NOL8: variants seen among roughly 807,000 people sequenced by gnomAD.
NOL8 encodes nucleolar protein 8, also known as nucleolar protein Nop132.
A neutral mutation model predicts 116.1 loss-of-function variants in NOL8; 93 were observed. The ratio of observed to expected loss-of-function variants is 0.80; its 90% CI spans 0.68 to 0.95. The LOEUF (loss-of-function observed/expected upper bound fraction) is 0.95. Among genes scored for constraint, NOL8 ranks in the 40% least tolerant of loss-of-function variants. The pLI is 0.00. For synonymous variants in NOL8, 419 were observed against 469.0 expected, an observed-to-expected ratio of 0.89 and a Z score of 1.38; for missense variants, 1,291 against 1,382.8, an observed-to-expected ratio of 0.93 and a Z score of 1.05.
chr9:92,311,012 A>G (rs1838729404), intron 8 of NOL8, 134 bp downstream of exon 8: 4 of 665,944 alleles, frequency 6.0e-6, no homozygotes, highest in African/African-American at 1.8e-5. Flanking sequence ...CTGTAGTCTC[A>G]ATATGAGGTG....
rs1838747383 is a variant in NOL8, at chr9:92,311,177, T to TCCTG, written c.2437_2440dup (p.Glu814AlafsTer17). 6.2e-7 allele frequency: 1 copy of TCCTG among 1,613,674 alleles called. No homozygotes were observed. The highest frequency in any genetic ancestry group is 1.3e-5 in the African/African-American group (1 of 74,902). ...CCATTCCTCTCCTGGATGGCTCTGC[T>TCCTG]CCTGAGTCGATGTCTCCTCTGTTTC... is the stretch of plus-strand genomic sequence containing the variant. On this transcript the variant is annotated frameshift_variant, in exon 8 of 17. Transcript: ENST00000442668. LOFTEE classifies it high-confidence loss of function.
rs15717 is a variant in NOL8, at chr9:92,310,625, G to C, written c.2523C>G (p.Asp841Glu). The C allele has an allele frequency of 0.046, 73,686 of 1,612,048 alleles. 2,135 individuals are homozygous for C. The highest frequency in any genetic ancestry group is 0.11 in the African/African-American group (8,593 of 74,838). ...TACTGTCATCTTCAGAATCAGATTCGTCATCATCACTGCTATCAAACAGCT... is the reference window on the plus strand; with the variant it reads ...TACTGTCATCTTCAGAATCAGATTCCTCATCATCACTGCTATCAAACAGCT... The part of the protein sequence containing the change: ...SGKLFDSSDD[D>E]ESDSEDDSNR... The change falls in exon 9 of 17, where the codon GAC becomes GAG. Residue 841 changes from aspartate to glutamate, a missense_variant. Coordinates refer to ENST00000442668, the MANE Select transcript of NOL8 (RefSeq NM_017948.6).
Position 92,316,243 on chromosome 9 carries a change from C to A in NOL8, c.487-105G>T, listed in dbSNP as rs368420405. ...AATCTCAAATAAGTCATTTCCCCCC[C>A]CTTTCAGTTTCCTGTAAAAGAAAAT... On this transcript the variant is annotated intron_variant, in intron 6 of 16. Coordinates refer to ENST00000442668, the MANE Select transcript of NOL8 (RefSeq NM_017948.6). 2.1e-5 allele frequency: 26 copies of A among 1,239,974 alleles called. No individual in the cohort carries two copies. The African/African-American group carries it at 2.4e-4, about 12-fold the overall frequency. The allele number at this position is 1,239,974 out of a possible 1,614,324, so 76.8% of individuals were successfully genotyped here.
intron 6 of NOL8, 90 bp from the exon 7 acceptor site, chr9:92,316,228 A>T (rs1839397252): frequency 1.5e-6 from 2 of 1,351,306 alleles, no homozygotes; most frequent in Non-Finnish European, 2.0e-6. Flanking sequence ...AATCTCAAAT[A>T]AGTCATTTCC....
Position 92,318,698 on chromosome 9 carries a change from A to G in NOL8, c.418-12T>C. ...CTCACAACCCAATTCTAAAAGAAAA[A>G]AAAAGAATTTATTTACTATATGTGA... is the stretch of plus-strand genomic sequence containing the variant. On this transcript the variant is annotated splice_polypyrimidine_tract_variant and intron_variant, in intron 5 of 16. Transcript: ENST00000442668. The G allele has an allele frequency of 1.3e-6, 2 of 1,547,738 alleles. No individual in the cohort carries two copies. Among genetic ancestry groups the G allele is most frequent in the Admixed American group, 4.0e-5 (2 of 50,028 alleles).
chr9:92,300,767 G>T, intron 13 of NOL8: 1 of 1,183,078 alleles, frequency 8.5e-7, no homozygotes, highest in Non-Finnish European at 1.1e-6. Context: ...CTAGTGAACC[G>T]AGATTGCACC....
intron 10 of NOL8, among the ~76,000 whole-genome samples, chr9:92,309,180 A>G (rs751639116): frequency 1.2e-4 from 18 of 152,226 alleles, no homozygotes; most frequent in Non-Finnish European, 2.5e-4. Context: ...GGTTTCCTGA[A>G]ACAGTCCAAC....
chr9:92,312,836 A>G (rs528665042), intron 7 of NOL8, among the ~76,000 whole-genome samples: 1 of 149,740 alleles, frequency 6.7e-6, no homozygotes, highest in Non-Finnish European at 1.5e-5. Context: ...TCAAAAAAAA[A>G]AAAAAAAAAA....
In NOL8 at chr9:92,324,125, C is replaced by T; in HGVS notation, c.37G>A (p.Gly13Ser). 1.2e-6 allele frequency: 2 copies of T among 1,613,978 alleles called. No individual in the cohort carries two copies. Among genetic ancestry groups the T allele is most frequent in the Admixed American group, 1.7e-5 (1 of 60,026 alleles). ...TCAGAAATGTCCTGGCTAAGGCCAC[C>T]CACATAAAGGCGCTTCGTTTCTCTG... The part of the protein sequence containing the change: ...VNRETKRLYV[G>S]GLSQDISEAD... The change falls in exon 2 of 17, where the codon GGT (glycine) becomes AGT (serine). Residue 13 changes from glycine (G) to serine (S), a missense_variant. Physicochemically the swap from Gly to Ser is moderately conservative, Grantham distance 56. Coordinates refer to ENST00000442668, the MANE Select transcript of NOL8 (RefSeq NM_017948.6).
At chr9:92,322,543 G>T (rs552925674) in intron 3 of NOL8, among the ~76,000 whole-genome samples, 38 of 152,276 alleles carry the variant, frequency 2.5e-4, no homozygotes, top group African/African-American at 9.1e-4. Flanking sequence ...TTTTAGTAAA[G>T]ATGGGGTTTC....
chr9:92,306,156 G>C (rs1338154001), intron 11 of NOL8, among the ~76,000 whole-genome samples: 2 of 152,008 alleles, frequency 1.3e-5, no homozygotes, highest in African/African-American at 4.8e-5. Flanking sequence ...ACCATGCCCG[G>C]CTAATTTTTA....
chr9:92,314,762 A>G lies in NOL8; in HGVS notation c.1863T>C (p.Asn621=). ...ATGGAGTCACTTCACCTAATGAGCC[A>G]TTAACATATGGGGACCCATCTTCCA... The part of the protein sequence containing the change: ...ISMEDGSPYV[N]GSLGEVTPCQ... The change falls in exon 7 of 17, where the codon AAT becomes AAC. Residue 621 remains asparagine (N), a synonymous_variant. Transcript: ENST00000442668. 6.2e-7 allele frequency: 1 copy of G among 1,613,912 alleles called. No homozygotes were observed. The highest frequency in any genetic ancestry group is 1.1e-5 in the South Asian group (1 of 91,036).
At position 92,318,643 on chromosome 9, in the gene NOL8, TG is replaced by T; in HGVS notation, c.460del (p.His154ThrfsTer22). 2 of 1,602,882 alleles carry T rather than the reference TG, an allele frequency of 1.2e-6. No homozygotes were observed. The highest frequency in any genetic ancestry group is 1.1e-5 in the South Asian group (1 of 87,868). Reference sequence around the variant, plus strand: ...TTTACGTTTATGTTGATTTTTAAGGTGAAGAACAGGTAAGACTCTTCCAAAT... The same window carrying T: ...TTTACGTTTATGTTGATTTTTAAGGTAAGAACAGGTAAGACTCTTCCAAAT... ...SKFGRVLPVLHLKNQHKRKII... is the reference protein window; with the variant it reads ...SKFGRVLPVLXLKNQHKRKII... On this transcript the variant is annotated frameshift_variant, in exon 6 of 17. Transcript: ENST00000442668. LOFTEE classifies it high-confidence loss of function.
chr9:92,306,889 A>T lies in NOL8; in HGVS notation c.2822T>A (p.Phe941Tyr). ...TNRGSVAAKK[F>Y]KDIIHYDPTK... ...TGGGATGGAACATAAAACATACTTA[A>T]ATTTCTTAGCAGCTACTGATCCTCT... The change falls in exon 11 of 17, where the codon TTT (phenylalanine) becomes TAT (tyrosine). Residue 941 changes from phenylalanine to tyrosine, a missense_variant. Physicochemically the swap from Phe to Tyr is conservative, Grantham distance 22 (BLOSUM62 3). Transcript: ENST00000442668. 6.2e-7 allele frequency: 1 copy of T among 1,611,336 alleles called. No homozygotes were observed. The highest frequency in any genetic ancestry group is 8.5e-7 in the Non-Finnish European group (1 of 1,178,802).
At chr9:92,303,638 A>C (rs985173158) in intron 12 of NOL8, among the ~76,000 whole-genome samples, 1 of 152,152 alleles carries the variant, frequency 6.6e-6, no homozygotes, top group Non-Finnish European at 1.5e-5. Flanking sequence ...CTAAAAAGAG[A>C]TAAGAAGCTT....
Position 92,315,695 on chromosome 9 carries a change from C to T in NOL8, c.930G>A (p.Met310Ile). Residue 310 changes from methionine to isoleucine, a missense_variant, in exon 7 of 17, where the codon ATG becomes ATA. Physicochemically the swap from Met to Ile is conservative, Grantham distance 10 (BLOSUM62 1). Coordinates refer to ENST00000442668, the MANE Select transcript of NOL8 (RefSeq NM_017948.6). ...GTAAGTTTTCCTCTTTCGCAATCAT[C>T]ATTCTCAATTCATCTTCAGAATCAG... ...DDTDSEDELR[M>I]MIAKEENLQR... The T allele has an allele frequency of 6.2e-7, 1 of 1,612,490 alleles. No homozygotes were observed.
rs1378259417 is a variant in NOL8, at chr9:92,314,965, TCTC to T, written c.1657_1659del (p.Glu553del). 1.2e-6 allele frequency: 2 copies of T among 1,614,004 alleles called. No homozygotes were observed. Among genetic ancestry groups the T allele is most frequent in the Non-Finnish European group, 1.7e-6 (2 of 1,179,886 alleles). On this transcript the variant is annotated inframe_deletion, in exon 7 of 17. Coordinates refer to ENST00000442668, the MANE Select transcript of NOL8 (RefSeq NM_017948.6). ...TTTGGTTTCTGTTTGCCACAGGTGT[TCTC>T]CTCTCCTTCTAACAGGGAAGCCACA...
At position 92,315,372 on chromosome 9, in the gene NOL8, C is replaced by A. The variant is rs778554865; in HGVS notation, c.1253G>T (p.Cys418Phe). 1 of 1,606,192 alleles carries A rather than the reference C, an allele frequency of 6.2e-7. No homozygotes were observed. Among genetic ancestry groups the A allele is most frequent in the African/African-American group, 1.3e-5 (1 of 74,786 alleles). ...TTTAATACAGTGATCAGAAAGCTCA[C>A]AGTTTTCTCTATTTTTGAAAGAAGT... Reference protein sequence around the residue: ...KKTSFKNRENCELSDHCIKLQ... With the variant: ...KKTSFKNRENFELSDHCIKLQ... Residue 418 changes from cysteine to phenylalanine, a missense_variant, in exon 7 of 17, where the codon TGT becomes TTT. Transcript: ENST00000442668.
intron 12 of NOL8, 106 bp downstream of exon 12, chr9:92,305,647 A>C (rs1353869120): frequency 1.3e-6 from 1 of 794,032 alleles, no homozygotes; most frequent in African/African-American, 1.8e-5. Context: ...CAATCTTAAT[A>C]CAGTGGGACC....
Sources: gnomAD v4.1 joint callset for allele counts (sites outside exome capture counted in the v4.1 genomes callset) on GRCh38, gnomAD v4.1.1 for gene constraint, MANE v1.5 for transcripts, NCBI Gene and HGNC (gene_info 2026-07-23, HGNC 2026-07-21) for gene names.